NSD2: variants seen among roughly 807,000 people sequenced by gnomAD.
NSD2 encodes histone-lysine N-methyltransferase NSD2.
In NSD2, 12 loss-of-function variants were observed where a neutral mutation model predicts 139.0. The ratio of observed to expected loss-of-function variants is 0.09; its 90% confidence interval spans 0.06 to 0.14. NSD2 has a LOEUF of 0.14. NSD2 is among the 10% of genes least tolerant of loss of function. NSD2 has a pLI of 1.00. For synonymous variants in NSD2, 669 were observed against 648.7 expected, an observed-to-expected ratio of 1.03 and a Z score of -0.48; for missense variants, 1,155 against 1,745.0, an observed-to-expected ratio of 0.66 and a Z score of 6.02.
rs376511575 is a variant in NSD2, at chr4:1,871,453, C to T, written c.-119C>T. 6.7e-6 allele frequency: 1 copy of T among 148,442 alleles called. No homozygotes were observed. The highest frequency in any genetic ancestry group is 1.5e-5 in the Non-Finnish European group (1 of 66,476). The allele number at this position is 148,442 out of a possible 1,614,324, so 9.2% of individuals were successfully genotyped here. On this transcript the variant is annotated 5_prime_UTR_variant, in exon 1 of 22. Transcript: ENST00000508803. ...GCGCCCGCCGCCGCCGCCGCCCCCT[C>T]CCCGCCTGGGCCCTACCGCCGCACG...
chr4:1,916,621 C>T (rs747480895), intron 3 of NSD2, among the ~76,000 whole-genome samples: 30 of 152,212 alleles, frequency 2.0e-4, no homozygotes, highest in Non-Finnish European at 2.5e-4. Flanking sequence ...GGATTACAGG[C>T]GTGAGGGACT....
chr4:1,926,275 C>T (rs903369920), intron 5 of NSD2, among the ~76,000 whole-genome samples: 1 of 151,620 alleles, frequency 6.6e-6, no homozygotes, highest in Non-Finnish European at 1.5e-5. Context: ...CTGACTCAGC[C>T]TCCCGAGTAG....
At chr4:1,961,382 G>A (rs1186174643) in intron 18 of NSD2, among the ~76,000 whole-genome samples, 1 of 152,222 alleles carries the variant, frequency 6.6e-6, no homozygotes, top group East Asian at 1.9e-4. Context: ...CTGCTTGTCC[G>A]GGTGTGCATG....
At position 1,901,264 on chromosome 4, in the gene NSD2, C is replaced by T. The variant is rs758743496; in HGVS notation, c.597+13C>T. 10 of 1,547,124 alleles carry T rather than the reference C, an allele frequency of 6.5e-6. No homozygotes were observed. The highest frequency in any genetic ancestry group is 4.5e-5 in the East Asian group (2 of 44,620). On this transcript the variant is annotated intron_variant, in intron 2 of 21. Transcript: ENST00000508803. ...TTCAGATAAAAAGGTATTTAGGAGA[C>T]GTTGTGTAAGGGGTCATGTGACCTT...
rs540518963 is a variant in NSD2, at chr4:1,952,099, C to A, written c.2014-9C>A. On this transcript the variant is annotated splice_polypyrimidine_tract_variant and intron_variant, in intron 10 of 21. Coordinates refer to ENST00000508803, the MANE Select transcript of NSD2 (RefSeq NM_001042424.3). Reference sequence around the variant, plus strand: ...GGGCGCTGCTTACCCGCCTGCTCTGCCCCCGCAGCTGTGTGAGAAGCCGGG... The same window carrying A: ...GGGCGCTGCTTACCCGCCTGCTCTGACCCCGCAGCTGTGTGAGAAGCCGGG... The A allele has an allele frequency of 1.2e-6, 2 of 1,613,334 alleles. No homozygotes were observed. The highest frequency in any genetic ancestry group is 8.5e-7 in the Non-Finnish European group (1 of 1,179,568).
At chr4:1,878,241 A>AT (rs1714415944) in intron 1 of NSD2, among the ~76,000 whole-genome samples, 1 of 35,078 alleles carries the variant, frequency 2.9e-5, no homozygotes, top group African/African-American at 1.3e-4. Flanking sequence ...ATATATATAT[A>AT]TATATATATA....
At chr4:1,940,366 G>A in intron 9 of NSD2, 1 of 1,066,650 alleles carries the variant, frequency 9.4e-7, no homozygotes, top group Non-Finnish European at 1.1e-6. Flanking sequence ...TTCTGGACTT[G>A]CAGAGTACAT....
At chr4:1,939,300 T>C (rs1722826598) in intron 8 of NSD2, 1 of 262,182 alleles carries the variant, frequency 3.8e-6, no homozygotes, top group Non-Finnish European at 7.5e-6. Context: ...TGTGGTTATA[T>C]GTAAGACTTT....
At chr4:1,947,317 A>T (rs1723735966) in intron 9 of NSD2, 5 of 1,062,258 alleles carry the variant, frequency 4.7e-6, no homozygotes, top group Non-Finnish European at 4.6e-6. Context: ...GCCACAGGTG[A>T]CACTTGGTCC....
intron 9 of NSD2, chr4:1,943,239 C>T (rs1488055182): frequency 1.9e-6 from 2 of 1,041,520 alleles, no homozygotes; most frequent in Non-Finnish European, 2.3e-6. Flanking sequence ...ATTCACAGTA[C>T]CATGCGAGTA....
At position 1,966,656 on chromosome 4, in the gene NSD2, C is replaced by CAA. The variant is rs568684570; in HGVS notation, c.3372+5521_3372+5522dup. ...TGGGTGACAGAGCAAGACTCTGTCT[C>CAA]AAAAAAAAAAAAAAAAAGAGACATA... On this transcript the variant is annotated intron_variant, in intron 18 of 21. Coordinates refer to ENST00000508803, the MANE Select transcript of NSD2 (RefSeq NM_001042424.3). 4.3e-4 allele frequency among the ~76,000 whole-genome samples: 27 copies of CAA among 63,126 alleles called. 1 individual carries two copies. The highest frequency in any genetic ancestry group is 5.6e-4 in the African/African-American group (9 of 16,128). The allele number at this position is 63,126 out of a possible 152,430, so 41.4% of individuals were successfully genotyped here.
chr4:1,919,463 A>G (rs2108808826), intron 5 of NSD2, among the ~76,000 whole-genome samples: 1 of 152,318 alleles, frequency 6.6e-6, no homozygotes, highest in Middle Eastern at 3.4e-3. Context: ...GTACATAATA[A>G]AGGCTGTAAA....
At chr4:1,905,971 C>A (rs186398045) in intron 3 of NSD2, among the ~76,000 whole-genome samples, 1 of 152,128 alleles carries the variant, frequency 6.6e-6, no homozygotes, top group Non-Finnish European at 1.5e-5. Context: ...CTCTGCAGCC[C>A]GGGTGCAGGC....
rs535086870 is a variant in NSD2 at position 1,872,046 on chromosome 4, G to A, written c.-30+504G>A. On this transcript the variant is annotated intron_variant, in intron 1 of 21. Transcript: ENST00000508803. Reference sequence around the variant, plus strand: ...GGTGGGAGGGGCAGGTTGGGGTCCCGGGGCCGGCGCCGGGGCCAGGGGTCG... The same window carrying A: ...GGTGGGAGGGGCAGGTTGGGGTCCCAGGGCCGGCGCCGGGGCCAGGGGTCG... Among the ~76,000 whole-genome samples, 299 of 151,442 alleles carry A rather than the reference G, an allele frequency of 2.0e-3. 1 individual carries two copies. Among genetic ancestry groups the A allele is most frequent in the African/African-American group, 6.9e-3 (285 of 41,404 alleles).
chr4:1,895,382 C>T (rs1351979796), intron 1 of NSD2, among the ~76,000 whole-genome samples: 1 of 152,174 alleles, frequency 6.6e-6, no homozygotes, highest in Non-Finnish European at 1.5e-5. Context: ...AAGAATGAAA[C>T]ATTCATGAAT....
intron 3 of NSD2, among the ~76,000 whole-genome samples, chr4:1,913,233 C>T (rs968691459): frequency 2.0e-5 from 3 of 152,338 alleles, no homozygotes; most frequent in Admixed American, 2.0e-4. Context: ...GCGGTAACGC[C>T]AGTGCCTGGG....
intron 3 of NSD2, among the ~76,000 whole-genome samples, chr4:1,913,624 A>G (rs1471521081): frequency 6.6e-6 from 1 of 152,186 alleles, no homozygotes; most frequent in Non-Finnish European, 1.5e-5. Flanking sequence ...CTCGGCTACC[A>G]AACAGGGAAG....
At chr4:1,910,977 G>T (rs1298858840) in intron 3 of NSD2, among the ~76,000 whole-genome samples, 1 of 152,000 alleles carries the variant, frequency 6.6e-6, no homozygotes, top group Non-Finnish European at 1.5e-5. Context: ...ACCTGGCCTT[G>T]TCTGCATCTT....
chr4:1,876,546 G>A (rs1466596091), intron 1 of NSD2, among the ~76,000 whole-genome samples: 1 of 152,094 alleles, frequency 6.6e-6, no homozygotes, highest in Non-Finnish European at 1.5e-5. Context: ...TTGAAAATTA[G>A]CTGGGCTTGG....
Sources: gnomAD v4.1 joint callset for allele counts (sites outside exome capture counted in the v4.1 genomes callset) on GRCh38, gnomAD v4.1.1 for gene constraint, MANE v1.5 for transcripts, NCBI Gene and HGNC (gene_info 2026-07-23, HGNC 2026-07-21) for gene names.